Variants in TREML2 observed in about 807,000 individuals in gnomAD.
TREML2 encodes the protein trem-like transcript 2 protein.
TREML2 carries 24 observed loss-of-function variants against 25.9 expected under a neutral mutation model. That is an observed-to-expected ratio of 0.93 (90% CI 0.67 to 1.30). The LOEUF (loss-of-function observed/expected upper bound fraction) is 1.30. Among genes scored for constraint, TREML2 ranks in the 50% most tolerant of loss-of-function variants. The probability of loss-of-function intolerance (pLI) is 0.00; values close to 1 mark genes in which losing one functional copy is unlikely to be tolerated. For missense variants in TREML2, 359 were observed against 395.6 expected (o/e 0.91, Z 0.78); for synonymous variants, 139 against 155.2 (o/e 0.90, Z 0.77).
Position 41,194,637 on chromosome 6 carries a change from G to A in TREML2, c.573C>T (p.Ser191=), listed in dbSNP as rs760111540. 6.2e-7 allele frequency: 1 copy of A among 1,613,940 alleles called. No homozygotes were observed. ...STRPASKTGY[S]FTATSTTSQG... The stretch of plus-strand genomic sequence containing the variant: ...GGCTGGTGGTGCTGGTAGCAGTGAA[G>A]CTGTAGCCTGTCTTGGAGGCAGGTC... Residue 191 remains serine (S), a synonymous_variant, in exon 3 of 5, where the codon AGC becomes AGT. Coordinates refer to ENST00000483722, the MANE Select transcript of TREML2 (RefSeq NM_024807.4).
chr6:41,199,157 C>T (rs914652460), intron 1 of TREML2, among the ~76,000 whole-genome samples: 7 of 152,178 alleles, frequency 4.6e-5, no homozygotes, highest in African/African-American at 1.4e-4. Context: ...CCACTGTGCC[C>T]GGCATCCCAG....
rs770282301 is a variant in TREML2, at chr6:41,189,752, G to T, written c.*2675C>A. Among the ~76,000 whole-genome samples the T allele has an allele frequency of 6.6e-6, 1 of 152,222 alleles. No individual in the cohort carries two copies. The highest frequency in any genetic ancestry group is 1.5e-5 in the Non-Finnish European group (1 of 68,038). On this transcript the variant is annotated 3_prime_UTR_variant, in exon 5 of 5. Coordinates refer to ENST00000483722, the MANE Select transcript of TREML2 (RefSeq NM_024807.4). ...TAAGGAGCGTGGACACCAAGGATGA[G>T]GTTGGAGTGAAAGTTTAATGAGTGA...
rs528506171 is a variant in TREML2 at position 41,192,078 on chromosome 6, C to G, written c.*349G>C. The G allele has an allele frequency of 3.4e-4, 96 of 280,348 alleles. No individual in the cohort carries two copies. Among genetic ancestry groups the G allele is most frequent in the African/African-American group, 2.0e-3 (93 of 46,926 alleles). The allele number at this position is 280,348 out of a possible 1,614,324, so 17.4% of individuals were successfully genotyped here. On this transcript the variant is annotated 3_prime_UTR_variant, in exon 5 of 5. Transcript: ENST00000483722. ...GCTCAGCCCAATAGGGTTTCTGAGG[C>G]AGACGGGAGCTGAGGTTCTCTGTAA...
chr6:41,194,504 T>C lies in TREML2; in HGVS notation c.706A>G (p.Ser236Gly). Residue 236 changes from serine to glycine, a missense_variant, in exon 3 of 5, where the codon AGC becomes GGC. Ser to Gly is a moderately conservative substitution (Grantham distance 56, BLOSUM62 0). Coordinates refer to ENST00000483722, the MANE Select transcript of TREML2 (RefSeq NM_024807.4). Reference sequence around the variant, plus strand: ...AGCCCTGTGGTGGGCGATCTGGTGCTGAGGTCCCCAGACTTAGTGGAGATG... The same window carrying C: ...AGCCCTGTGGTGGGCGATCTGGTGCCGAGGTCCCCAGACTTAGTGGAGATG... Reference protein sequence around the residue: ...ESISTKSGDLSTRSPTTGLCL... With the variant: ...ESISTKSGDLGTRSPTTGLCL... 1 of 1,613,598 alleles carries C rather than the reference T, an allele frequency of 6.2e-7. No individual in the cohort carries two copies.
chr6:41,194,678 G>C lies in TREML2; in HGVS notation c.532C>G (p.Leu178Val). The C allele has an allele frequency of 6.2e-7, 1 of 1,614,126 alleles. No individual in the cohort carries two copies. The highest frequency in any genetic ancestry group is 8.5e-7 in the Non-Finnish European group (1 of 1,180,008). Residue 178 changes from leucine to valine, a missense_variant, in exon 3 of 5, where the codon CTC becomes GTC. By Grantham distance (32) the Leu-to-Val change is conservative (BLOSUM62 1). Coordinates refer to ENST00000483722, the MANE Select transcript of TREML2 (RefSeq NM_024807.4). ...GAGGCAGGTCTGGTGGAGGCTAAGA[G>C]CCTAGGCAAGGTGATGAGTCCTGGG... The part of the protein sequence containing the change: ...FTPGLITLPR[L>V]LASTRPASKT...
chr6:41,200,964 A>G lies in TREML2; in HGVS notation c.45T>C (p.Gly15=), dbSNP rs755706670. The change falls in exon 1 of 5, where the codon GGT becomes GGC. Residue 15 remains glycine, a synonymous_variant. Transcript: ENST00000483722. ...CCCTTCTCCCCTCACCTGAGACGCAACCCTGTGGCCACAGCAGCAGCAGCA... is the reference window on the plus strand; with the variant it reads ...CCCTTCTCCCCTCACCTGAGACGCAGCCCTGTGGCCACAGCAGCAGCAGCA... ...FLLLLLLWPQ[G]CVSGPSADSV... is the part of the protein sequence containing the mutation. The G allele has an allele frequency of 3.2e-5, 50 of 1,572,018 alleles. No individual in the cohort carries two copies. The highest frequency in any genetic ancestry group is 3.9e-5 in the Non-Finnish European group (45 of 1,159,304).
rs1766203627 is a variant in TREML2 at position 41,198,124 on chromosome 6, G to A, written c.361C>T (p.Leu121=). Reference sequence around the variant, plus strand: ...GCCTGCTCACCTGGAGACACATCCAGCTGGAAGCCCATCAAGGGGTACAGG... The same window carrying A: ...GCCTGCTCACCTGGAGACACATCCAACTGGAAGCCCATCAAGGGGTACAGG... ...GILYPLMGFQ[L]DVSPAPQTER... is the part of the protein sequence containing the mutation. Residue 121 remains leucine (L), a synonymous_variant, in exon 2 of 5, where the codon CTG becomes TTG. Transcript: ENST00000483722. The A allele has an allele frequency of 6.3e-7, 1 of 1,597,592 alleles. No homozygotes were observed. Among genetic ancestry groups the A allele is most frequent in the African/African-American group, 1.3e-5 (1 of 74,842 alleles).
rs1202015556 is a variant in TREML2 at position 41,194,688 on chromosome 6, G to A, written c.522C>T (p.Thr174=). 1 of 1,614,122 alleles carries A rather than the reference G, an allele frequency of 6.2e-7. No individual in the cohort carries two copies. The highest frequency in any genetic ancestry group is 1.7e-5 in the Admixed American group (1 of 60,020). Residue 174 remains threonine, a synonymous_variant, in exon 3 of 5, where the codon ACC becomes ACT. Coordinates refer to ENST00000483722, the MANE Select transcript of TREML2 (RefSeq NM_024807.4). ...TGGTGGAGGCTAAGAGCCTAGGCAA[G>A]GTGATGAGTCCTGGGGTGAACACCA... ...GVMVFTPGLI[T]LPRLLASTRP...
Position 41,194,711 on chromosome 6 carries a change from C to A in TREML2, c.499G>T (p.Val167Leu), listed in dbSNP as rs1365622241. 6.2e-7 allele frequency: 1 copy of A among 1,614,030 alleles called. No homozygotes were observed. Among genetic ancestry groups the A allele is most frequent in the South Asian group, 1.1e-5 (1 of 91,038 alleles). Residue 167 changes from valine to leucine, a missense_variant, in exon 3 of 5, where the codon GTG becomes TTG. Val to Leu is a conservative substitution (Grantham distance 32, BLOSUM62 1). Transcript: ENST00000483722. ...AAGGTGATGAGTCCTGGGGTGAACA[C>A]CATCACACCAGTGGTAAAAGGGGCA... ...PDAPFTTGVM[V>L]FTPGLITLPR...
chr6:41,190,060 A>G lies in TREML2; in HGVS notation c.*2367T>C, dbSNP rs1232201980. 2.0e-5 allele frequency among the ~76,000 whole-genome samples: 3 copies of G among 152,084 alleles called. No individual in the cohort carries two copies. The highest frequency in any genetic ancestry group is 1.9e-4 in the East Asian group (1 of 5,190). Reference sequence around the variant, plus strand: ...GTCACCTGTGTAGTCTGTCTTATCTATGAGGCTGTGGGCATGTCTTAGGCA... The same window carrying G: ...GTCACCTGTGTAGTCTGTCTTATCTGTGAGGCTGTGGGCATGTCTTAGGCA... On this transcript the variant is annotated 3_prime_UTR_variant, in exon 5 of 5. Transcript: ENST00000483722.
intron 3 of TREML2, among the ~76,000 whole-genome samples, chr6:41,193,884 C>G (rs2113903787): frequency 7.6e-6 from 1 of 131,352 alleles, no homozygotes; most frequent in East Asian, 2.6e-4. Flanking sequence ...CTCTGACTCT[C>G]CTCCCCCACA....
intron 3 of TREML2, among the ~76,000 whole-genome samples, chr6:41,193,901 A>C (rs1367413547): frequency 1.4e-5 from 1 of 73,132 alleles, no homozygotes; most frequent in Admixed American, 2.0e-4. Context: ...CACAACCTTC[A>C]TTTACCCCCA....
intron 2 of TREML2, among the ~76,000 whole-genome samples, chr6:41,195,424 G>A (rs1161356547): frequency 2.0e-5 from 3 of 152,168 alleles, no homozygotes; most frequent in Non-Finnish European, 4.4e-5. Context: ...GGAGGGAGGT[G>A]GAGGAGCTGT....
In TREML2 at chr6:41,201,079, A is replaced by G. The variant is rs2113911652; in HGVS notation, c.-71T>C. On this transcript the variant is annotated 5_prime_UTR_variant, in exon 1 of 5. Transcript: ENST00000483722. Reference sequence around the variant, plus strand: ...GGGCCCACCCGACACAGGATGTGCCACCTGGGCCTGCCAGGGAAGGACCCG... The same window carrying G: ...GGGCCCACCCGACACAGGATGTGCCGCCTGGGCCTGCCAGGGAAGGACCCG... The G allele has an allele frequency of 1.3e-6, 2 of 1,571,068 alleles. No homozygotes were observed. Among genetic ancestry groups the G allele is most frequent in the East Asian group, 2.2e-5 (1 of 44,630 alleles).
rs979602960 is a variant in TREML2 at position 41,189,780 on chromosome 6, G to A, written c.*2647C>T. The stretch of plus-strand genomic sequence containing the variant: ...TGGAGTGAAAGTTTAATGAGTGAGA[G>A]AAGAAAGCTCTCTGCTGTGGAGAGG... On this transcript the variant is annotated 3_prime_UTR_variant, in exon 5 of 5. Coordinates refer to ENST00000483722, the MANE Select transcript of TREML2 (RefSeq NM_024807.4). 9.2e-5 allele frequency among the ~76,000 whole-genome samples: 14 copies of A among 152,234 alleles called. No homozygotes were observed. The highest frequency in any genetic ancestry group is 3.4e-4 in the African/African-American group (14 of 41,452).
At chr6:41,200,342 A>G (rs1200374754) in intron 1 of TREML2, among the ~76,000 whole-genome samples, 2 of 152,116 alleles carry the variant, frequency 1.3e-5, no homozygotes, top group African/African-American at 2.4e-5. Flanking sequence ...CAATGTCTTC[A>G]TGTGTGCCTA....
chr6:41,199,651 C>T (rs1468672509), intron 1 of TREML2, among the ~76,000 whole-genome samples: 1 of 152,178 alleles, frequency 6.6e-6, no homozygotes, highest in South Asian at 2.1e-4. Context: ...CCCTCCACCC[C>T]TCTGCCTGCC....
Position 41,192,402 on chromosome 6 carries a change from C to A in TREML2, c.*25G>T, listed in dbSNP as rs546280478. 6.2e-7 allele frequency: 1 copy of A among 1,602,128 alleles called. No homozygotes were observed. Among genetic ancestry groups the A allele is most frequent in the East Asian group, 2.2e-5 (1 of 44,802 alleles). Reference sequence around the variant, plus strand: ...CCCCCTGGGGCCACTCTGGGAGAAGCTCCCCACCCCATGCTTAAGTGGCCT... The same window carrying A: ...CCCCCTGGGGCCACTCTGGGAGAAGATCCCCACCCCATGCTTAAGTGGCCT... On this transcript the variant is annotated 3_prime_UTR_variant, in exon 5 of 5. Transcript: ENST00000483722.
At chr6:41,196,709 TC>T (rs148756238) in intron 2 of TREML2, among the ~76,000 whole-genome samples, 7,550 of 152,152 alleles carry the variant, frequency 0.05, 597 homozygotes, top group African/African-American at 0.16. Flanking sequence ...CCCTTTTCCT[TC>T]CCCCAGCCCT....
Sources: gnomAD v4.1 joint callset for allele counts (sites outside exome capture counted in the v4.1 genomes callset) on GRCh38, gnomAD v4.1.1 for gene constraint, MANE v1.5 for transcripts, NCBI Gene and HGNC (gene_info 2026-07-23, HGNC 2026-07-21) for gene names.